The following PCYT1A variants were observed in gnomAD, a reference collection of about 807,000 sequenced individuals.
PCYT1A encodes phosphate cytidylyltransferase 1A, choline.
In PCYT1A, 25 loss-of-function variants were observed where a neutral mutation model predicts 43.7. The ratio of observed to expected loss-of-function variants is 0.57; its 90% CI spans 0.42 to 0.80. The LOEUF (loss-of-function observed/expected upper bound fraction) is 0.80, where lower values mean the gene tolerates loss of function less well. Among genes scored for constraint, PCYT1A ranks in the 30% least tolerant of loss-of-function variants. The pLI is 0.00. For missense variants in PCYT1A, 421 were observed against 474.2 expected, an observed-to-expected ratio of 0.89 and a Z score of 1.04; for synonymous variants, 172 against 170.7, an observed-to-expected ratio of 1.01 and a Z score of -0.06.
At position 196,238,755 on chromosome 3, in the gene PCYT1A, C is replaced by T. The variant is rs1468052548; in HGVS notation, c.1037G>A (p.Cys346Tyr). The T allele has an allele frequency of 6.3e-7, 1 of 1,590,246 alleles. No individual in the cohort carries two copies. The highest frequency in any genetic ancestry group is 1.8e-5 in the Admixed American group (1 of 56,610). Reference protein sequence around the residue: ...WPFSGKTSPPCSPANLSRHKA... With the variant: ...WPFSGKTSPPYSPANLSRHKA... Reference sequence around the variant, plus strand: ...GTGCCTGGAGAGATTTGCTGGGGAGCAAGGTGGGGAAGTCTTGCCGGAGAA... The same window carrying T: ...GTGCCTGGAGAGATTTGCTGGGGAGTAAGGTGGGGAAGTCTTGCCGGAGAA... The change falls in exon 9 of 9, where the codon TGC becomes TAC. Residue 346 changes from cysteine (C) to tyrosine (Y), a missense_variant. By Grantham distance (194) the Cys-to-Tyr change is radical (BLOSUM62 -2). Transcript: ENST00000431016.
chr3:196,269,590 C>A (rs1343257661), intron 2 of PCYT1A, among the ~76,000 whole-genome samples: 1 of 151,924 alleles, frequency 6.6e-6, no homozygotes, highest in East Asian at 1.9e-4. Flanking sequence ...GGAAGGGTAG[C>A]AAGCTGAGAT....
At chr3:196,248,364 T>A in intron 3 of PCYT1A, 41 bp from the exon 4 acceptor site, 1 of 1,197,676 alleles carries the variant, frequency 8.3e-7, no homozygotes, top group Non-Finnish European at 1.2e-6. Context: ...AATACCTTTT[T>A]TTTTGTCATT....
At position 196,237,052 on chromosome 3, in the gene PCYT1A, G is replaced by A. The variant is rs966832746; in HGVS notation, c.*1636C>T. The A allele has an allele frequency of 2.0e-5, 3 of 152,250 alleles. No homozygotes were observed. Among genetic ancestry groups the A allele is most frequent in the African/African-American group, 7.2e-5 (3 of 41,466 alleles). The allele number at this position is 152,250 out of a possible 1,614,324, so 9.4% of individuals were successfully genotyped here. ...CTGACCCTCAGGCGGAAAACTAGGT[G>A]TTACCAGAAAGTGTTTAGGGAGTGG... On this transcript the variant is annotated 3_prime_UTR_variant, in exon 9 of 9. Coordinates refer to ENST00000431016, the MANE Select transcript of PCYT1A (RefSeq NM_001312673.2).
At chr3:196,285,028 T>TCCC (rs1472717139) in intron 1 of PCYT1A, among the ~76,000 whole-genome samples, 1 of 152,194 alleles carries the variant, frequency 6.6e-6, no homozygotes, top group African/African-American at 2.4e-5. Flanking sequence ...CAAGAACCTA[T>TCCC]CTGAACTCTA....
rs1315588404 is a variant in PCYT1A at position 196,270,486 on chromosome 3, T to C, written c.46A>G (p.Lys16Glu). The C allele has an allele frequency of 1.2e-6, 2 of 1,614,188 alleles. No homozygotes were observed. The highest frequency in any genetic ancestry group is 1.7e-6 in the Non-Finnish European group (2 of 1,180,000). ...SAKVNARKRR[K>E]EAPGPNGATE... is the part of the protein sequence containing the mutation. Reference sequence around the variant, plus strand: ...GCCCCGTTGGGTCCGGGCGCCTCTTTTCTCCTCTTCCTTGCATTGACCTTG... The same window carrying C: ...GCCCCGTTGGGTCCGGGCGCCTCTTCTCTCCTCTTCCTTGCATTGACCTTG... The change falls in exon 2 of 9, where the codon AAA (lysine) becomes GAA (glutamate). Residue 16 changes from lysine to glutamate, a missense_variant. Lys to Glu is a moderately conservative substitution (Grantham distance 56, BLOSUM62 1). Coordinates refer to ENST00000431016, the MANE Select transcript of PCYT1A (RefSeq NM_001312673.2).
chr3:196,241,639 A>C (rs1054949867), intron 7 of PCYT1A: 1 of 1,340,062 alleles, frequency 7.5e-7, no homozygotes, highest in Non-Finnish European at 9.8e-7. Context: ...GACATCATCC[A>C]ACCGAAGAAG....
rs556074997 is a variant in PCYT1A, at chr3:196,282,048, TCTAAA to T, written c.-11+5562_-11+5566del. ...ACATGAGCTTCTCTGACAGATTAGT[TCTAAA>T]CTAAAGTTCAACGTTACTTGTCATG... On this transcript the variant is annotated intron_variant, in intron 1 of 8. Coordinates refer to ENST00000431016, the MANE Select transcript of PCYT1A (RefSeq NM_001312673.2). The surrounding 1 kb of genome is among the most constrained non-coding windows in gnomAD (Gnocchi z 4.3). Among the ~76,000 whole-genome samples the T allele has an allele frequency of 1.6e-4, 24 of 152,330 alleles. No homozygotes were observed. Among genetic ancestry groups the T allele is most frequent in the African/African-American group, 5.5e-4 (23 of 41,582 alleles).
chr3:196,279,783 T>C (rs1255239426), intron 1 of PCYT1A, among the ~76,000 whole-genome samples: 5 of 151,466 alleles, frequency 3.3e-5, no homozygotes, highest in Admixed American at 6.6e-5. Context: ...TGAAAGATGA[T>C]AGGCTCCTAC....
chr3:196,254,706 T>C (rs1011380652), intron 3 of PCYT1A, among the ~76,000 whole-genome samples: 6 of 152,218 alleles, frequency 3.9e-5, no homozygotes, highest in African/African-American at 1.2e-4. Flanking sequence ...CTGATTTGGA[T>C]GATAAATTAT....
intron 3 of PCYT1A, among the ~76,000 whole-genome samples, chr3:196,249,277 G>A (rs934122008): frequency 6.6e-6 from 1 of 150,904 alleles, no homozygotes; most frequent in Non-Finnish European, 1.5e-5. Context: ...CTCCCAAGTA[G>A]ATGGGACCAC....
intron 5 of PCYT1A, among the ~76,000 whole-genome samples, chr3:196,245,811 C>A (rs1410321535): frequency 6.6e-6 from 1 of 152,036 alleles, no homozygotes; most frequent in Non-Finnish European, 1.5e-5. Flanking sequence ...ATTAGCCGGG[C>A]ATGGTGGCGC....
At chr3:196,239,795 G>C (rs1724295996) in intron 7 of PCYT1A, 60 bp from the exon 8 acceptor site, 2 of 1,189,388 alleles carry the variant, frequency 1.7e-6, no homozygotes, top group Non-Finnish European at 2.5e-6. Context: ...TCTACCATAA[G>C]AGAACGAAAA....
chr3:196,256,563 A>G (rs983941018), intron 3 of PCYT1A, among the ~76,000 whole-genome samples: 1 of 152,142 alleles, frequency 6.6e-6, no homozygotes, highest in Non-Finnish European at 1.5e-5. Flanking sequence ...GTTTTGAGAC[A>G]GGGTCTCGCT....
At chr3:196,249,313 ATTTTTT>A (rs10668425) in intron 3 of PCYT1A, among the ~76,000 whole-genome samples, 1 of 125,798 alleles carries the variant, frequency 7.9e-6, no homozygotes, top group Non-Finnish European at 1.6e-5. Context: ...TGCCCAGCTA[ATTTTTT>A]TTTTTTTTTT....
At chr3:196,239,982 T>TA (rs1457754891) in intron 7 of PCYT1A, 3 of 452,312 alleles carry the variant, frequency 6.6e-6, no homozygotes, top group African/African-American at 5.9e-5. Context: ...CTATACCCAG[T>TA]AACAGGCACG....
chr3:196,278,630 G>A (rs1725661749), intron 1 of PCYT1A, among the ~76,000 whole-genome samples: 1 of 152,052 alleles, frequency 6.6e-6, no homozygotes, highest in Admixed American at 6.6e-5. Flanking sequence ...TACTAGGATG[G>A]GCCAACACTT....
At chr3:196,275,594 G>T (rs1725563087) in intron 1 of PCYT1A, among the ~76,000 whole-genome samples, 1 of 152,100 alleles carries the variant, frequency 6.6e-6, no homozygotes, top group Non-Finnish European at 1.5e-5. Context: ...ATAGCTGGGT[G>T]TGGTGGCGCA....
At chr3:196,285,186 G>A (rs919055226) in intron 1 of PCYT1A, among the ~76,000 whole-genome samples, 2 of 152,172 alleles carry the variant, frequency 1.3e-5, no homozygotes, top group Non-Finnish European at 2.9e-5. Context: ...AAGGCCAGGC[G>A]TGGTGGTCAC....
intron 2 of PCYT1A, among the ~76,000 whole-genome samples, chr3:196,258,514 C>G (rs1179801377): frequency 6.6e-6 from 1 of 151,812 alleles, no homozygotes; most frequent in East Asian, 1.9e-4. Context: ...GTTGTTGTTT[C>G]ATGGATTCCT....
Sources: allele counts gnomAD v4.1 joint callset (sites outside exome capture counted in the v4.1 genomes callset), GRCh38; gene constraint gnomAD v4.1.1; non-coding constraint Gnocchi (gnomAD v3.1); transcripts MANE v1.5; gene names NCBI Gene and HGNC (gene_info 2026-07-23, HGNC 2026-07-21).